The following CMTM4 variants were observed in gnomAD, a reference collection of about 807,000 sequenced individuals.
The protein encoded by CMTM4 is CKLF like MARVEL transmembrane domain containing 4, also known as CKLF-like MARVEL transmembrane domain-containing protein 4.
Under a neutral mutation model 19.0 loss-of-function variants are expected in CMTM4, and 8 were observed. That is an observed-to-expected ratio of 0.42 (90% confidence interval 0.25 to 0.76). The LOEUF is 0.76. Ranked by LOEUF, CMTM4 falls within the 30% of genes least tolerant of loss-of-function variation. The pLI, the probability that CMTM4 is intolerant of heterozygous loss-of-function variation, is 0.27. For missense variants in CMTM4, 228 were observed against 290.2 expected, an observed-to-expected ratio of 0.79 and a Z score of 1.56; for synonymous variants, 106 against 121.1, an observed-to-expected ratio of 0.88 and a Z score of 0.82.
At chr16:66,684,274 A>G (rs2016994478) in intron 1 of CMTM4, among the ~76,000 whole-genome samples, 1 of 152,108 alleles carries the variant, frequency 6.6e-6, no homozygotes, top group South Asian at 2.1e-4. Context: ...CCGGGGTTCA[A>G]GCAATTCTCC....
Position 66,696,361 on chromosome 16 carries a change from GC to G in CMTM4, c.164del (p.Gly55AlafsTer8). On this transcript the variant is annotated frameshift_variant, in exon 1 of 4. Transcript: ENST00000394106. LOFTEE classifies it high-confidence loss of function. The surrounding 1 kb of genome is among the most constrained non-coding windows in gnomAD (Gnocchi z 4.3). ...CDPDYLRGALGRLKVAQVILA... is the reference protein window; with the variant it reads ...CDPDYLRGALXRLKVAQVILA... ...CTACCACTTGGGCGACCTTGAGGCG[GC>G]CGAGCGCGCCGCGCAGGTAGTCGGG... is the stretch of plus-strand genomic sequence containing the variant. The G allele has an allele frequency of 7.0e-7, 1 of 1,420,748 alleles. No individual in the cohort carries two copies. Among genetic ancestry groups the G allele is most frequent in the Middle Eastern group, 2.5e-4 (1 of 3,938 alleles). 88.0% of individuals were successfully genotyped at this position (1,420,748 alleles called of 1,614,324 possible).
intron 1 of CMTM4, among the ~76,000 whole-genome samples, chr16:66,639,108 T>C (rs2016053858): frequency 6.6e-6 from 1 of 152,236 alleles, no homozygotes; most frequent in Non-Finnish European, 1.5e-5. Context: ...ATAGCTCTTC[T>C]TATAATTCTC....
intron 1 of CMTM4, among the ~76,000 whole-genome samples, chr16:66,672,220 A>C (rs1337679186): frequency 6.6e-6 from 1 of 151,672 alleles, no homozygotes; most frequent in East Asian, 1.9e-4. Flanking sequence ...CAACATGGTG[A>C]AACACTGTCT....
Position 66,621,078 on chromosome 16 carries a change from T to G in CMTM4, c.*980A>C. 1 of 985,914 alleles carries G rather than the reference T, an allele frequency of 1.0e-6. No homozygotes were observed. The allele number at this position is 985,914 out of a possible 1,614,324, so 61.1% of individuals were successfully genotyped here. ...AGTATTTTCAAATCCTAGACGAATCTGCTCAGAATCATTTTAGAACTCTTT... is the reference window on the plus strand; with the variant it reads ...AGTATTTTCAAATCCTAGACGAATCGGCTCAGAATCATTTTAGAACTCTTT... On this transcript the variant is annotated 3_prime_UTR_variant, in exon 4 of 4. Coordinates refer to ENST00000394106, the MANE Select transcript of CMTM4 (RefSeq NM_181521.3).
chr16:66,625,398 C>T (rs1352588604), intron 2 of CMTM4, among the ~76,000 whole-genome samples: 1 of 148,818 alleles, frequency 6.7e-6, no homozygotes, highest in Non-Finnish European at 1.5e-5. Flanking sequence ...TGCGCCGCTG[C>T]ACTCCAGCCT....
At position 66,622,368 on chromosome 16, in the gene CMTM4, C is replaced by T. The variant is rs2015656006; in HGVS notation, c.463-146G>A. 2 of 877,836 alleles carry T rather than the reference C, an allele frequency of 2.3e-6. No individual in the cohort carries two copies. Among genetic ancestry groups the T allele is most frequent in the Middle Eastern group, 3.5e-4 (1 of 2,858 alleles). 54.4% of individuals were successfully genotyped at this position (877,836 alleles called of 1,614,324 possible). On this transcript the variant is annotated intron_variant, in intron 3 of 3. Coordinates refer to ENST00000394106, the MANE Select transcript of CMTM4 (RefSeq NM_181521.3). The surrounding 1 kb of genome is among the most constrained non-coding windows in gnomAD (Gnocchi z 4.0). ...GCCTTCATTCCTTGATCTCTTCCCC[C>T]TCTCAGCAGCCCCATTTGATCTAAA...
intron 1 of CMTM4, among the ~76,000 whole-genome samples, chr16:66,686,475 G>A (rs994347186): frequency 2.6e-5 from 4 of 151,074 alleles, no homozygotes; most frequent in Admixed American, 6.6e-5. Context: ...CTTGAACCCA[G>A]GAGGTGGAGG....
intron 2 of CMTM4, among the ~76,000 whole-genome samples, chr16:66,625,518 T>G (rs2015720313): frequency 1.3e-5 from 2 of 152,070 alleles, no homozygotes; most frequent in Non-Finnish European, 2.9e-5. Flanking sequence ...AAATTTGCTT[T>G]AGTAATGATC....
At chr16:66,609,344 T>A in the CMTM4 span, 1,211 of 1,136,078 alleles carry the variant, frequency 1.1e-3, 9 homozygotes, top group African/African-American at 0.016. This position sits in a 1 kb window ranked among gnomAD's most constrained non-coding sequence, Gnocchi z 4.4. Context: ...GTGCTAGGCC[T>A]GGGGCTGGGA....
intron 1 of CMTM4, among the ~76,000 whole-genome samples, chr16:66,649,324 T>C (rs2016266184): frequency 6.6e-6 from 1 of 152,164 alleles, no homozygotes; most frequent in African/African-American, 2.4e-5. Context: ...ATCCCTTTAT[T>C]CAGCTAAAAT....
intron 1 of CMTM4, among the ~76,000 whole-genome samples, chr16:66,689,957 C>T (rs2017105830): frequency 1.3e-5 from 2 of 152,178 alleles, no homozygotes; most frequent in East Asian, 3.8e-4. Flanking sequence ...GTACGCTCTA[C>T]ATTTAACAAC....
intron 1 of CMTM4, among the ~76,000 whole-genome samples, chr16:66,653,522 A>G (rs1480731018): frequency 6.6e-6 from 1 of 152,196 alleles, no homozygotes; most frequent in Non-Finnish European, 1.5e-5. Flanking sequence ...GTCAGGGACT[A>G]CTGTTCAGCA....
the CMTM4 span, chr16:66,605,149 C>CCGAGCCCAGGCCATCCGCGGCGCT: frequency 6.2e-6 from 3 of 485,254 alleles, no homozygotes; most frequent in East Asian, 1.1e-4. The surrounding 1 kb of genome is among the most constrained non-coding windows in gnomAD (Gnocchi z 4.6). Context: ...GGGGCGGGGC[C>CCGAGCCCAGGCCATCCGCGGCGCT]CGAGCCCAGG....
In CMTM4 at chr16:66,623,390, T is replaced by C; in HGVS notation, c.462+14A>G. 6.2e-7 allele frequency: 1 copy of C among 1,607,420 alleles called. No homozygotes were observed. On this transcript the variant is annotated intron_variant, in intron 3 of 3. Coordinates refer to ENST00000394106, the MANE Select transcript of CMTM4 (RefSeq NM_181521.3). ...CCCCAGATCAGCTTGCTTTAACCATTTGAGTTTGCTTACCACGGCAGCAAT... is the reference window on the plus strand; with the variant it reads ...CCCCAGATCAGCTTGCTTTAACCATCTGAGTTTGCTTACCACGGCAGCAAT...
At chr16:66,625,616 T>TA (rs1596904882) in intron 2 of CMTM4, among the ~76,000 whole-genome samples, 2 of 151,724 alleles carry the variant, frequency 1.3e-5, no homozygotes, top group African/African-American at 2.4e-5. Context: ...TTTAAAAAGA[T>TA]AAAAAATAAT....
At chr16:66,691,117 T>TA (rs943481251) in intron 1 of CMTM4, among the ~76,000 whole-genome samples, 18 of 150,454 alleles carry the variant, frequency 1.2e-4, no homozygotes, top group African/African-American at 3.7e-4. Context: ...AAATCTGTCT[T>TA]AAAAAAAAAA....
At chr16:66,655,169 A>G (rs2016375886) in intron 1 of CMTM4, among the ~76,000 whole-genome samples, 1 of 152,130 alleles carries the variant, frequency 6.6e-6, no homozygotes, top group South Asian at 2.1e-4. Flanking sequence ...ATTTTTGTAG[A>G]GACAGGATTT....
chr16:66,689,880 A>G (rs778893977), intron 1 of CMTM4, among the ~76,000 whole-genome samples: 1 of 152,110 alleles, frequency 6.6e-6, no homozygotes, highest in Non-Finnish European at 1.5e-5. Flanking sequence ...GTCTGTGTTC[A>G]TATAAGGAAT....
chr16:66,657,737 T>C (rs2016424690), intron 1 of CMTM4, among the ~76,000 whole-genome samples: 1 of 152,200 alleles, frequency 6.6e-6, no homozygotes, highest in Admixed American at 6.5e-5. Context: ...GAGAAAAAAC[T>C]CATTGTTCAC....
Sources: gnomAD v4.1 joint callset for allele counts (sites outside exome capture counted in the v4.1 genomes callset) on GRCh38, gnomAD v4.1.1 for gene constraint, Gnocchi (gnomAD v3.1) non-coding constraint, MANE v1.5 for transcripts, NCBI Gene and HGNC (gene_info 2026-07-23, HGNC 2026-07-21) for gene names.